Variants in RSRC1 observed in about 807,000 individuals in gnomAD.
The protein encoded by RSRC1 is serine/Arginine-related protein 53.
A neutral mutation model predicts 49.1 loss-of-function variants in RSRC1; 39 were observed. The ratio of observed to expected loss-of-function variants is 0.79; its 90% CI spans 0.61 to 1.04. RSRC1 has a LOEUF of 1.04. RSRC1 is among the 50% of genes least tolerant of loss of function. The pLI is 0.00. For synonymous variants in RSRC1, 143 were observed against 130.8 expected, an observed-to-expected ratio of 1.09 and a Z score of -0.63; for missense variants, 388 against 402.4, an observed-to-expected ratio of 0.96 and a Z score of 0.31.
chr3:158,461,221 G>A (rs1578508842), intron 7 of RSRC1, among the ~76,000 whole-genome samples: 1 of 151,824 alleles, frequency 6.6e-6, no homozygotes, highest in African/African-American at 2.4e-5. Flanking sequence ...TGGGAAATTG[G>A]GAGGAGATAA....
intron 7 of RSRC1, among the ~76,000 whole-genome samples, chr3:158,499,058 T>C (rs2108457882): frequency 6.6e-6 from 1 of 152,244 alleles, no homozygotes; most frequent in Non-Finnish European, 1.5e-5. Context: ...TGCAGGCTCA[T>C]TTTTGGTTCC....
chr3:158,262,740 C>A (rs906097326), intron 4 of RSRC1, among the ~76,000 whole-genome samples: 6 of 151,448 alleles, frequency 4.0e-5, no homozygotes, highest in Non-Finnish European at 7.4e-5. Context: ...TTTTTTTCAC[C>A]AATATTTTGT....
At chr3:158,173,038 T>C (rs1164808758) in intron 3 of RSRC1, among the ~76,000 whole-genome samples, 1 of 152,122 alleles carries the variant, frequency 6.6e-6, no homozygotes, top group Non-Finnish European at 1.5e-5. Flanking sequence ...ATCTAATTTA[T>C]CTATGATAGT....
intron 3 of RSRC1, among the ~76,000 whole-genome samples, chr3:158,174,311 C>T (rs1719066421): frequency 6.6e-6 from 1 of 151,608 alleles, no homozygotes; most frequent in Admixed American, 6.6e-5. Flanking sequence ...AGAGACAAAT[C>T]CCAAACCAAT....
At chr3:158,385,970 C>G (rs1483567229) in intron 6 of RSRC1, among the ~76,000 whole-genome samples, 2 of 152,024 alleles carry the variant, frequency 1.3e-5, no homozygotes, top group Non-Finnish European at 2.9e-5. Flanking sequence ...TTTATTATGA[C>G]TTCTGATTAA....
chr3:158,173,755 C>T (rs1182206923), intron 3 of RSRC1, among the ~76,000 whole-genome samples: 1 of 151,870 alleles, frequency 6.6e-6, no homozygotes, highest in Non-Finnish European at 1.5e-5. Context: ...ATATCTCTAC[C>T]ATGTAATATT....
At chr3:158,298,786 A>T (rs752843987) in intron 5 of RSRC1, among the ~76,000 whole-genome samples, 1 of 152,186 alleles carries the variant, frequency 6.6e-6, no homozygotes, top group Non-Finnish European at 1.5e-5. Context: ...GGTCAGATCC[A>T]AATGTTGAAT....
chr3:158,299,124 A>G (rs2108119484), intron 5 of RSRC1, among the ~76,000 whole-genome samples: 1 of 152,212 alleles, frequency 6.6e-6, no homozygotes, highest in African/African-American at 2.4e-5. Flanking sequence ...TTAGTAAATA[A>G]CATGGTTATT....
At chr3:158,484,186 C>A (rs571086900) in intron 7 of RSRC1, among the ~76,000 whole-genome samples, 3 of 152,198 alleles carry the variant, frequency 2.0e-5, no homozygotes, top group African/African-American at 7.2e-5. Flanking sequence ...TCAACCTCTG[C>A]AGGCAGATAA....
intron 6 of RSRC1, among the ~76,000 whole-genome samples, chr3:158,414,735 T>C (rs1734652219): frequency 6.6e-6 from 1 of 151,496 alleles, no homozygotes; most frequent in South Asian, 2.1e-4. Flanking sequence ...GAAAAAAAAA[T>C]AAGTTTGGTA....
At chr3:158,157,823 G>A (rs975365005) in intron 3 of RSRC1, among the ~76,000 whole-genome samples, 1 of 152,130 alleles carries the variant, frequency 6.6e-6, no homozygotes, top group East Asian at 1.9e-4. Flanking sequence ...GCTGAGGCAG[G>A]AGAATAGCTT....
At chr3:158,484,927 A>T (rs1205475244) in intron 7 of RSRC1, among the ~76,000 whole-genome samples, 1 of 152,108 alleles carries the variant, frequency 6.6e-6, no homozygotes, top group Non-Finnish European at 1.5e-5. Context: ...AAAATATAAG[A>T]TGCAGATTCT....
At chr3:158,113,086 A>G (rs1173704331) in intron 1 of RSRC1, among the ~76,000 whole-genome samples, 1 of 151,652 alleles carries the variant, frequency 6.6e-6, no homozygotes, top group East Asian at 1.9e-4. Flanking sequence ...GCTATTGTGA[A>G]TAATGCTGCA....
intron 6 of RSRC1, among the ~76,000 whole-genome samples, chr3:158,441,041 A>G (rs755622976): frequency 2.1e-4 from 32 of 152,176 alleles, no homozygotes; most frequent in Non-Finnish European, 3.7e-4. Context: ...TTAATCGTAC[A>G]TAAGCATTCA....
At chr3:158,163,081 G>A (rs571943025) in intron 3 of RSRC1, among the ~76,000 whole-genome samples, 1 of 152,276 alleles carries the variant, frequency 6.6e-6, no homozygotes, top group Admixed American at 6.5e-5. Flanking sequence ...TCAGGTCACT[G>A]TAACCTTCAT....
intron 3 of RSRC1, among the ~76,000 whole-genome samples, chr3:158,180,364 G>A (rs968108262): frequency 3.8e-5 from 4 of 105,798 alleles, no homozygotes; most frequent in African/African-American, 7.5e-5. Flanking sequence ...TTTAATTATC[G>A]TATAAAGTAT....
chr3:158,110,821 A>G (rs1714338752), intron 1 of RSRC1, among the ~76,000 whole-genome samples: 1 of 152,200 alleles, frequency 6.6e-6, no homozygotes, highest in Non-Finnish European at 1.5e-5. Flanking sequence ...TGACTTCTGT[A>G]CTGGTGGCAT....
At chr3:158,346,319 G>T (rs1026458496) in intron 5 of RSRC1, among the ~76,000 whole-genome samples, 4 of 151,892 alleles carry the variant, frequency 2.6e-5, no homozygotes, top group Non-Finnish European at 5.9e-5. Context: ...CTCTTAAAAA[G>T]AAAAAGAAGG....
intron 5 of RSRC1, among the ~76,000 whole-genome samples, chr3:158,326,000 A>G (rs1729109009): frequency 6.6e-6 from 1 of 152,152 alleles, no homozygotes; most frequent in Non-Finnish European, 1.5e-5. Context: ...AATAGTGAAT[A>G]GCAGTTCACT....
Sources: gnomAD v4.1 joint callset for allele counts (sites outside exome capture counted in the v4.1 genomes callset) on GRCh38, gnomAD v4.1.1 for gene constraint, MANE v1.5 for transcripts, NCBI Gene and HGNC (gene_info 2026-07-23, HGNC 2026-07-21) for gene names.